DLGAP2: variants seen among roughly 807,000 people sequenced by gnomAD.
The protein encoded by DLGAP2 is disks large-associated protein 2.
DLGAP2 carries 26 observed loss-of-function variants against 100.3 expected under a neutral mutation model. The observed-to-expected ratio is 0.26, with a 90% CI of 0.19 to 0.36. The LOEUF is 0.36. Ranked by LOEUF, DLGAP2 falls within the 10% of genes least tolerant of loss-of-function variation. The pLI is 1.00. For synonymous variants in DLGAP2, 886 were observed against 630.1 expected, an observed-to-expected ratio of 1.41 and a Z score of -6.08; for missense variants, 1,858 against 1,453.2, an observed-to-expected ratio of 1.28 and a Z score of -4.53.
At chr8:1,046,483 G>T (rs1802518742) in intron 2 of DLGAP2, among the ~76,000 whole-genome samples, 1 of 152,082 alleles carries the variant, frequency 6.6e-6, no homozygotes, top group South Asian at 2.1e-4. Flanking sequence ...AACCTTTTCT[G>T]CTGGAATAAA....
chr8:1,040,543 CGTGGTCGGCTCGGTGCGT>C lies in DLGAP2; in HGVS notation c.73+132592_73+132609del, dbSNP rs1472341919. On this transcript the variant is annotated intron_variant, in intron 2 of 14. Coordinates refer to ENST00000637795, the MANE Select transcript of DLGAP2 (RefSeq NM_001346810.2). ...CGGTTTCCGTGGTCGGCTCGGTGTG[CGTGGTCGGCTCGGTGCGT>C]GTGGTCGGCTCGGTTTCCGTGGTCG... Among the ~76,000 whole-genome samples, 1,061 of 145,532 alleles carry C rather than the reference CGTGGTCGGCTCGGTGCGT, an allele frequency of 7.3e-3. 18 individuals carry two copies. Among genetic ancestry groups the C allele is most frequent in the African/African-American group, 0.026 (999 of 38,534 alleles).
chr8:1,121,985 C>A (rs1012679220), intron 2 of DLGAP2, among the ~76,000 whole-genome samples: 1 of 152,148 alleles, frequency 6.6e-6, no homozygotes, highest in Non-Finnish European at 1.5e-5. Flanking sequence ...TGGTGTTGCC[C>A]CAACCCATAC....
chr8:1,589,139 T>C (rs998633183), intron 6 of DLGAP2, among the ~76,000 whole-genome samples: 10 of 152,232 alleles, frequency 6.6e-5, no homozygotes. Context: ...GAATTGTATT[T>C]TCTTTTAAAT....
At chr8:768,327 C>T (rs1821266694) in intron 1 of DLGAP2, among the ~76,000 whole-genome samples, 1 of 151,752 alleles carries the variant, frequency 6.6e-6, no homozygotes, top group Non-Finnish European at 1.5e-5. Flanking sequence ...TACAGTCACT[C>T]AGACAAATTA....
intron 8 of DLGAP2, among the ~76,000 whole-genome samples, chr8:1,634,308 A>G (rs1323392402): frequency 6.6e-6 from 1 of 152,210 alleles, no homozygotes; most frequent in Admixed American, 6.5e-5. Context: ...TGCTGGCACC[A>G]CTGAGCCGGG....
chr8:847,750 G>T (rs747578275), intron 1 of DLGAP2, among the ~76,000 whole-genome samples: 1 of 152,084 alleles, frequency 6.6e-6, no homozygotes, highest in Non-Finnish European at 1.5e-5. Flanking sequence ...CAAGTGATCC[G>T]CCTACCTCGG....
chr8:1,496,782 C>A (rs1290116912), intron 3 of DLGAP2, among the ~76,000 whole-genome samples: 1 of 152,060 alleles, frequency 6.6e-6, no homozygotes, highest in African/African-American at 2.4e-5. Flanking sequence ...CAGGCGGCAC[C>A]CGAGGCACCG....
chr8:785,096 A>T (rs1821802816), intron 1 of DLGAP2, among the ~76,000 whole-genome samples: 5 of 151,940 alleles, frequency 3.3e-5, no homozygotes. Context: ...AGGCGCCTGT[A>T]GTCCCAGCTA....
intron 3 of DLGAP2, among the ~76,000 whole-genome samples, chr8:1,389,776 C>A (rs1292839644): frequency 1.3e-5 from 2 of 152,068 alleles, no homozygotes; most frequent in Non-Finnish European, 2.9e-5. Flanking sequence ...ACAGGTACAA[C>A]CCCGGGCGGA....
chr8:1,200,961 C>G (rs1234006554), intron 2 of DLGAP2, among the ~76,000 whole-genome samples: 1 of 152,176 alleles, frequency 6.6e-6, no homozygotes, highest in Non-Finnish European at 1.5e-5. Flanking sequence ...CACGGCGGGG[C>G]GCTGCGCTCG....
At chr8:1,067,489 C>T (rs780592551) in intron 2 of DLGAP2, among the ~76,000 whole-genome samples, 4 of 152,292 alleles carry the variant, frequency 2.6e-5, no homozygotes, top group African/African-American at 9.6e-5. Context: ...TGTGGGAAGA[C>T]TGTCTCAGCC....
At position 1,411,459 on chromosome 8, in the gene DLGAP2, C is replaced by T. The variant is rs73172508; in HGVS notation, c.107-89907C>T. On this transcript the variant is annotated intron_variant, in intron 3 of 14. Transcript: ENST00000637795. ...TAGCTGGCCTTTGGCCCCACTTGTG[C>T]CGAAGATATAACTCCATCCTGCTTG... 8.6e-4 allele frequency among the ~76,000 whole-genome samples: 131 copies of T among 152,336 alleles called. 1 individual carries two copies. The highest frequency in any genetic ancestry group is 1.2e-3 in the Non-Finnish European group (81 of 68,026).
chr8:777,479 T>C (rs1226764723), intron 1 of DLGAP2, among the ~76,000 whole-genome samples: 5 of 152,200 alleles, frequency 3.3e-5, no homozygotes, highest in South Asian at 2.1e-4. Flanking sequence ...GATTTTGCAG[T>C]GGCTGGTACC....
At chr8:1,368,342 C>T (rs1171804672) in intron 3 of DLGAP2, among the ~76,000 whole-genome samples, 8 of 150,972 alleles carry the variant, frequency 5.3e-5, no homozygotes, top group Non-Finnish European at 8.8e-5. Context: ...TGTGTGTGTG[C>T]ATGCGTGTGT....
chr8:878,708 G>C (rs957564962), intron 1 of DLGAP2, among the ~76,000 whole-genome samples: 1 of 152,036 alleles, frequency 6.6e-6, no homozygotes, highest in Admixed American at 6.6e-5. Context: ...AGTTCTCCTG[G>C]GAATGGGTTG....
At chr8:1,571,514 G>T (rs377226782) in intron 6 of DLGAP2, among the ~76,000 whole-genome samples, 21 of 147,332 alleles carry the variant, frequency 1.4e-4, no homozygotes, top group African/African-American at 3.8e-4. Context: ...GAACTGGAGG[G>T]TTGTCTTCTG....
intron 1 of DLGAP2, among the ~76,000 whole-genome samples, chr8:763,881 T>C (rs922308294): frequency 2.6e-5 from 4 of 152,216 alleles, no homozygotes; most frequent in Non-Finnish European, 1.5e-5. Flanking sequence ...TTTCCTTATT[T>C]AAAACAGTAT....
intron 2 of DLGAP2, among the ~76,000 whole-genome samples, chr8:1,168,131 G>A (rs1035086533): frequency 6.8e-6 from 1 of 147,364 alleles, no homozygotes; most frequent in Non-Finnish European, 1.5e-5. Flanking sequence ...AATCTGCGGT[G>A]TTTGGTTTTT....
intron 3 of DLGAP2, among the ~76,000 whole-genome samples, chr8:1,445,437 G>A (rs563885019): frequency 7.2e-5 from 11 of 151,856 alleles, no homozygotes; most frequent in Admixed American, 7.2e-4. Context: ...TTTTATGGCT[G>A]CATAGTATTC....
Sources: allele counts gnomAD v4.1 joint callset (sites outside exome capture counted in the v4.1 genomes callset), GRCh38; gene constraint gnomAD v4.1.1; transcripts MANE v1.5; gene names NCBI Gene and HGNC (gene_info 2026-07-23, HGNC 2026-07-21).